Variants in ATP9B observed in about 807,000 individuals in gnomAD.
ATP9B encodes the protein probable phospholipid-transporting ATPase IIB.
A neutral mutation model predicts 146.1 loss-of-function variants in ATP9B; 110 were observed. The observed-to-expected ratio is 0.75, with a 90% CI of 0.65 to 0.88. The LOEUF (loss-of-function observed/expected upper bound fraction) is 0.88, where lower values mean the gene tolerates loss of function less well. ATP9B is among the 40% of genes least tolerant of loss of function. The pLI is 0.00. For synonymous variants in ATP9B, 604 were observed against 569.7 expected (o/e 1.06, Z -0.86); for missense variants, 1,499 against 1,496.4 (o/e 1.00, Z -0.03).
At chr18:79,241,696 A>G (rs1266566628) in intron 11 of ATP9B, among the ~76,000 whole-genome samples, 1 of 152,216 alleles carries the variant, frequency 6.6e-6, no homozygotes, top group Non-Finnish European at 1.5e-5. Context: ...ATCAGCTAAT[A>G]TGTGTAATTA....
In ATP9B at chr18:79,374,139, A is replaced by C. The variant is rs757969135; in HGVS notation, c.3274+38A>C. ...GGAATTGTTTTTTGAATCGTTCTCTATTCATGATTTTGAAGTATTTTCTTA... is the reference window on the plus strand; with the variant it reads ...GGAATTGTTTTTTGAATCGTTCTCTCTTCATGATTTTGAAGTATTTTCTTA... On this transcript the variant is annotated intron_variant, in intron 28 of 29. Transcript: ENST00000426216. 25 of 1,591,618 alleles carry C rather than the reference A, an allele frequency of 1.6e-5. No individual in the cohort carries two copies. The Admixed American group carries it at 2.1e-4, about 13-fold the overall frequency.
intron 4 of ATP9B, 61 bp from the exon 5 acceptor site, chr18:79,126,204 CAA>C: frequency 7.3e-7 from 1 of 1,373,052 alleles, no homozygotes; most frequent in Non-Finnish European, 1.0e-6. Context: ...AACCAAGTAA[CAA>C]ATAATTTTGT....
chr18:79,277,176 A>G lies in ATP9B; in HGVS notation c.1391A>G (p.Tyr464Cys). ...CCAGAGGAACTTGGGCGCCTGGTGT[A>G]TTTATTGACAGACAAAACAGGTACT... ...TIPEELGRLV[Y>C]LLTDKTGTLT... Residue 464 changes from tyrosine to cysteine, a missense_variant, in exon 13 of 30, where the codon TAT (tyrosine) becomes TGT (cysteine). Coordinates refer to ENST00000426216, the MANE Select transcript of ATP9B (RefSeq NM_198531.5). 6.2e-7 allele frequency: 1 copy of G among 1,614,234 alleles called. No individual in the cohort carries two copies. The highest frequency in any genetic ancestry group is 8.5e-7 in the Non-Finnish European group (1 of 1,180,040).
intron 1 of ATP9B, among the ~76,000 whole-genome samples, chr18:79,086,776 C>T (rs930371313): frequency 2.0e-5 from 3 of 152,152 alleles, no homozygotes; most frequent in Non-Finnish European, 4.4e-5. Flanking sequence ...AAATCATTAG[C>T]TCCAAGGTTA....
At chr18:79,110,861 GAGAAAAC>G (rs1486009301) in intron 3 of ATP9B, among the ~76,000 whole-genome samples, 3 of 152,130 alleles carry the variant, frequency 2.0e-5, no homozygotes, top group African/African-American at 7.2e-5. Context: ...AACTAGTTTG[GAGAAAAC>G]AGTAAATGTA....
At chr18:79,224,371 G>A (rs2095709229) in intron 11 of ATP9B, among the ~76,000 whole-genome samples, 2 of 152,332 alleles carry the variant, frequency 1.3e-5, no homozygotes, top group South Asian at 2.1e-4. Context: ...GTGAGACTGA[G>A]AATGGGAAAG....
chr18:79,194,189 A>C (rs2095396263), intron 9 of ATP9B, among the ~76,000 whole-genome samples: 1 of 152,220 alleles, frequency 6.6e-6, no homozygotes, highest in African/African-American at 2.4e-5. Context: ...TTTTTTAAAC[A>C]AAAGTAGTTA....
chr18:79,173,229 A>C (rs975185991), intron 7 of ATP9B, among the ~76,000 whole-genome samples: 1 of 152,188 alleles, frequency 6.6e-6, no homozygotes, highest in African/African-American at 2.4e-5. Flanking sequence ...TCTACATAGG[A>C]GTCCTTTGTC....
intron 4 of ATP9B, among the ~76,000 whole-genome samples, chr18:79,120,423 CAAT>C (rs1415475285): frequency 7.2e-5 from 11 of 152,128 alleles, no homozygotes; most frequent in South Asian, 2.1e-4. Context: ...TTTTTGAAAA[CAAT>C]GATAGCTTAA....
chr18:79,334,979 G>A (rs2096814777), intron 17 of ATP9B, among the ~76,000 whole-genome samples: 1 of 152,200 alleles, frequency 6.6e-6, no homozygotes. Flanking sequence ...AGGAACACGT[G>A]CCCTCACGCG....
At chr18:79,216,411 G>A (rs1452361887) in intron 11 of ATP9B, among the ~76,000 whole-genome samples, 1 of 152,172 alleles carries the variant, frequency 6.6e-6, no homozygotes, top group Non-Finnish European at 1.5e-5. Context: ...TCCCCTCTCT[G>A]AAGTGGGCTT....
chr18:79,113,122 C>A, intron 3 of ATP9B, 119 bp from the exon 4 acceptor site: 1 of 584,372 alleles, frequency 1.7e-6, no homozygotes, highest in Non-Finnish European at 3.0e-6. Context: ...TGAATCACAA[C>A]ATATTCTCAC....
intron 11 of ATP9B, among the ~76,000 whole-genome samples, chr18:79,218,248 C>T (rs1228517144): frequency 6.6e-6 from 1 of 151,848 alleles, no homozygotes; most frequent in Admixed American, 6.6e-5. Context: ...AGGCTGGCAG[C>T]TCCTGCTTCT....
intron 6 of ATP9B, among the ~76,000 whole-genome samples, chr18:79,147,253 T>C (rs2094606400): frequency 6.6e-6 from 1 of 152,100 alleles, no homozygotes; most frequent in African/African-American, 2.4e-5. Flanking sequence ...CAGTTACAAG[T>C]GGTTACTTCA....
intron 21 of ATP9B, 52 bp from the exon 22 acceptor site, chr18:79,345,376 T>C: frequency 6.3e-7 from 1 of 1,597,228 alleles, no homozygotes; most frequent in Non-Finnish European, 8.6e-7. Context: ...TACACAAATC[T>C]GGGACACTGT....
At chr18:79,149,554 A>G (rs1434852344) in intron 6 of ATP9B, among the ~76,000 whole-genome samples, 1 of 152,196 alleles carries the variant, frequency 6.6e-6, no homozygotes, top group African/African-American at 2.4e-5. Flanking sequence ...TGTAAAAGGA[A>G]AAATTGATAA....
At chr18:79,265,391 G>T (rs771813286) in intron 12 of ATP9B, among the ~76,000 whole-genome samples, 1 of 152,112 alleles carries the variant, frequency 6.6e-6, no homozygotes, top group Admixed American at 6.6e-5. Flanking sequence ...TGATCTGCCC[G>T]CCTCGGCCTC....
At chr18:79,250,383 T>C (rs887102771) in intron 11 of ATP9B, among the ~76,000 whole-genome samples, 3 of 152,200 alleles carry the variant, frequency 2.0e-5, no homozygotes, top group Non-Finnish European at 4.4e-5. Flanking sequence ...GGGATTTGGA[T>C]GAATAGAGTA....
chr18:79,288,189 G>A (rs1221713547), intron 13 of ATP9B, among the ~76,000 whole-genome samples: 2 of 150,378 alleles, frequency 1.3e-5, no homozygotes, highest in African/African-American at 4.9e-5. Context: ...TTTCTGTCTC[G>A]TTGATCTGTC....
Sources: allele counts gnomAD v4.1 joint callset (sites outside exome capture counted in the v4.1 genomes callset), GRCh38; gene constraint gnomAD v4.1.1; transcripts MANE v1.5; gene names NCBI Gene and HGNC (gene_info 2026-07-23, HGNC 2026-07-21).